Variants in ATF7IP2 observed in about 807,000 individuals in gnomAD.
ATF7IP2 encodes the protein activating transcription factor 7-interacting protein 2.
A neutral mutation model predicts 64.2 loss-of-function variants in ATF7IP2; 42 were observed. That is an observed-to-expected ratio of 0.65 (90% CI 0.51 to 0.85). The LOEUF (loss-of-function observed/expected upper bound fraction) is 0.85. ATF7IP2 is among the 40% of genes least tolerant of loss of function. ATF7IP2 has a pLI of 0.00. For synonymous variants in ATF7IP2, 308 were observed against 272.8 expected (o/e 1.13, Z -1.27); for missense variants, 933 against 784.2 (o/e 1.19, Z -2.27).
At chr16:10,467,378 T>A (rs867146068) in intron 9 of ATF7IP2, among the ~76,000 whole-genome samples, 1 of 152,188 alleles carries the variant, frequency 6.6e-6, no homozygotes, top group Non-Finnish European at 1.5e-5. Flanking sequence ...AGTGAAGGAT[T>A]TTGAAATTGA....
At chr16:10,412,018 T>G (rs1167633927) in intron 1 of ATF7IP2, among the ~76,000 whole-genome samples, 10 of 144,030 alleles carry the variant, frequency 6.9e-5, no homozygotes, top group Non-Finnish European at 1.1e-4. Context: ...TTGTTTTTTT[T>G]TTTTTTTTTT....
At chr16:10,413,748 C>G (rs1292030074) in intron 1 of ATF7IP2, among the ~76,000 whole-genome samples, 2 of 152,176 alleles carry the variant, frequency 1.3e-5, no homozygotes, top group Non-Finnish European at 2.9e-5. Flanking sequence ...ATTCACTCAT[C>G]ATTTGTTTGT....
At chr16:10,404,619 C>T (rs2047598550) in intron 1 of ATF7IP2, among the ~76,000 whole-genome samples, 2 of 152,282 alleles carry the variant, frequency 1.3e-5, no homozygotes, top group South Asian at 4.1e-4. Flanking sequence ...TCATGGCTTA[C>T]TGCAACCTCC....
intron 12 of ATF7IP2, among the ~76,000 whole-genome samples, chr16:10,474,508 C>T (rs968749555): frequency 1.6e-4 from 25 of 151,998 alleles, no homozygotes; most frequent in Non-Finnish European, 2.9e-5. Context: ...GCTAAGAGGA[C>T]GCACAGAGAA....
intron 1 of ATF7IP2, among the ~76,000 whole-genome samples, chr16:10,414,210 A>C (rs928553189): frequency 6.6e-6 from 1 of 152,092 alleles, no homozygotes; most frequent in African/African-American, 2.4e-5. Flanking sequence ...CTTCCTCAGG[A>C]ATGCTGATTA....
chr16:10,475,057 G>C (rs572009847), intron 12 of ATF7IP2, among the ~76,000 whole-genome samples: 1 of 152,082 alleles, frequency 6.6e-6, no homozygotes, highest in South Asian at 2.1e-4. Flanking sequence ...AAATTTTTCA[G>C]ATCAACAAAA....
chr16:10,424,574 A>G (rs1281615872), intron 3 of ATF7IP2, among the ~76,000 whole-genome samples: 2 of 152,218 alleles, frequency 1.3e-5, no homozygotes, highest in Non-Finnish European at 2.9e-5. Flanking sequence ...TGCGAGGGAA[A>G]GTTTGTAAAT....
In ATF7IP2 at chr16:10,480,879, A is replaced by C. The variant is rs191247050; in HGVS notation, c.1550A>C (p.Glu517Ala). The C allele has an allele frequency of 7.6e-5, 122 of 1,603,622 alleles. 2 individuals carry two copies. In the Admixed American group the frequency reaches 1.7e-3, roughly 23 times the overall value. Residue 517 changes from glutamate (E) to alanine (A), a missense_variant and splice_region_variant, in exon 13 of 14, where the codon GAA becomes GCA. Transcript: ENST00000562102. ...TTCTTAAACCTTGTGTTGTTCACAG[A>C]AAGTCCAGTATCCCCCCTGGAGTCA... ...TKEGLSNCNT[E>A]SPVSPLESHS...
At chr16:10,481,176 ATTG>A (rs2050210002) in intron 13 of ATF7IP2, among the ~76,000 whole-genome samples, 1 of 152,228 alleles carries the variant, frequency 6.6e-6, no homozygotes. Flanking sequence ...TATTGAACAA[ATTG>A]GAAAAGAAGC....
intron 12 of ATF7IP2, among the ~76,000 whole-genome samples, chr16:10,479,297 T>TA (rs1382170986): frequency 6.6e-6 from 1 of 151,502 alleles, no homozygotes; most frequent in East Asian, 1.9e-4. Flanking sequence ...GTGGCACATA[T>TA]ACACCATGGA....
At chr16:10,444,840 A>G (rs1262413982) in intron 8 of ATF7IP2, among the ~76,000 whole-genome samples, 1 of 152,134 alleles carries the variant, frequency 6.6e-6, no homozygotes, top group Non-Finnish European at 1.5e-5. Context: ...GTTTTTTATT[A>G]TTTCAAACCT....
chr16:10,459,920 G>A (rs1257490221), intron 9 of ATF7IP2, among the ~76,000 whole-genome samples: 2 of 152,024 alleles, frequency 1.3e-5, no homozygotes, highest in African/African-American at 4.8e-5. Flanking sequence ...GGATGCCTTA[G>A]CTAATGCAAG....
chr16:10,389,069 C>A (rs2047268688), intron 1 of ATF7IP2, among the ~76,000 whole-genome samples: 1 of 151,542 alleles, frequency 6.6e-6, no homozygotes, highest in Non-Finnish European at 1.5e-5. Context: ...TCTCTCGGGG[C>A]TGTTTTTTTG....
At chr16:10,480,731 C>T (rs1262589951) in intron 12 of ATF7IP2, 148 bp from the exon 13 acceptor site, 1 of 667,986 alleles carries the variant, frequency 1.5e-6, no homozygotes, top group East Asian at 2.7e-5. Flanking sequence ...GTATCTTGAA[C>T]TTTAATTAAA....
rs745558200 is a variant in ATF7IP2, at chr16:10,438,065, AC to A, written c.961-35del. 7 of 1,477,820 alleles carry A rather than the reference AC, an allele frequency of 4.7e-6. No homozygotes were observed. The African/African-American group carries it at 8.7e-5, about 18-fold the overall frequency. The allele number at this position is 1,477,820 out of a possible 1,614,324, so 91.5% of individuals were successfully genotyped here. A position where few individuals can be genotyped will look rare whatever the true frequency, so the allele number is the denominator to read the frequency against. ...AAGTAAAATTGCTTTTAAATTTGAA[AC>A]GTAGGGTGTTTTGGTTTTTATTTTA... On this transcript the variant is annotated intron_variant, in intron 6 of 13. Coordinates refer to ENST00000562102, the MANE Select transcript of ATF7IP2 (RefSeq NM_001393719.1).
intron 9 of ATF7IP2, among the ~76,000 whole-genome samples, chr16:10,469,362 T>A (rs2049702893): frequency 6.6e-6 from 1 of 152,078 alleles, no homozygotes; most frequent in Admixed American, 6.6e-5. Context: ...GGAGTATCAC[T>A]AAGGCAGGAG....
intron 1 of ATF7IP2, among the ~76,000 whole-genome samples, chr16:10,404,612 T>C (rs953141357): frequency 2.0e-5 from 3 of 152,112 alleles, no homozygotes; most frequent in African/African-American, 7.2e-5. Context: ...GGCACGATCA[T>C]GGCTTACTGC....
intron 3 of ATF7IP2, among the ~76,000 whole-genome samples, chr16:10,424,371 T>A (rs1033765318): frequency 2.0e-5 from 3 of 152,180 alleles, no homozygotes; most frequent in African/African-American, 7.2e-5. Flanking sequence ...AAAACTTAAC[T>A]GAAAATGGAT....
intron 3 of ATF7IP2, among the ~76,000 whole-genome samples, chr16:10,426,009 A>C (rs550021227): frequency 6.6e-6 from 1 of 152,358 alleles, no homozygotes; most frequent in South Asian, 2.1e-4. Context: ...AAATGAAGTT[A>C]ACAGTGAGGA....
Sources: gnomAD v4.1 joint callset for allele counts (sites outside exome capture counted in the v4.1 genomes callset) on GRCh38, gnomAD v4.1.1 for gene constraint, MANE v1.5 for transcripts, NCBI Gene and HGNC (gene_info 2026-07-23, HGNC 2026-07-21) for gene names.